CRLF3: variants seen among roughly 807,000 people sequenced by gnomAD.
CRLF3 encodes the protein cytokine receptor-like factor 3.
In CRLF3, 33 loss-of-function variants were observed where a neutral mutation model predicts 55.0. That is an observed-to-expected ratio of 0.60 (90% CI 0.46 to 0.80). The LOEUF is 0.80. Ranked by LOEUF, CRLF3 falls within the 30% of genes least tolerant of loss-of-function variation. The pLI, the probability that CRLF3 is intolerant of heterozygous loss-of-function variation, is 0.00. For synonymous variants in CRLF3, 238 were observed against 196.8 expected (o/e 1.21, Z -1.75); for missense variants, 494 against 538.4 (o/e 0.92, Z 0.82).
Position 30,793,629 on chromosome 17 carries a change from C to G in CRLF3, c.647G>C (p.Arg216Pro). The G allele has an allele frequency of 6.2e-7, 1 of 1,613,978 alleles. No individual in the cohort carries two copies. Among genetic ancestry groups the G allele is most frequent in the Non-Finnish European group, 8.5e-7 (1 of 1,179,940 alleles). The change falls in exon 5 of 8, where the codon CGT (arginine) becomes CCT (proline). Residue 216 changes from arginine to proline, a missense_variant. Arg to Pro is a moderately radical substitution (Grantham distance 103). Coordinates refer to ENST00000324238, the MANE Select transcript of CRLF3 (RefSeq NM_015986.4). ...FTAQDYRLQF[R>P]KCTSNHFEDV... ...CTCAAAATGATTTGAAGTACATTTA[C>G]GAAACTGGAGCCTGTAATCTTGGGC...
At chr17:30,794,719 G>T (rs1461625305) in intron 4 of CRLF3, among the ~76,000 whole-genome samples, 1 of 152,008 alleles carries the variant, frequency 6.6e-6, no homozygotes, top group Non-Finnish European at 1.5e-5. Context: ...GATCACTTGA[G>T]CCCAGGAGAT....
At chr17:30,814,517 C>T (rs922638412) in intron 1 of CRLF3, among the ~76,000 whole-genome samples, 2 of 151,416 alleles carry the variant, frequency 1.3e-5, no homozygotes, top group Non-Finnish European at 2.9e-5. Context: ...ATTAGCCGAG[C>T]GTGGTGGTGG....
At chr17:30,816,814 T>A (rs1234900893) in intron 1 of CRLF3, among the ~76,000 whole-genome samples, 1 of 152,144 alleles carries the variant, frequency 6.6e-6, no homozygotes, top group Non-Finnish European at 1.5e-5. Context: ...AGATGCACAC[T>A]TACAGTTATG....
At chr17:30,804,645 A>G (rs903035598) in intron 1 of CRLF3, among the ~76,000 whole-genome samples, 7 of 152,234 alleles carry the variant, frequency 4.6e-5, no homozygotes, top group African/African-American at 1.7e-4. Context: ...CCATGCTGTC[A>G]CAAATGACAG....
At chr17:30,806,304 A>G (rs1039982087) in intron 1 of CRLF3, among the ~76,000 whole-genome samples, 2 of 152,184 alleles carry the variant, frequency 1.3e-5, no homozygotes, top group African/African-American at 2.4e-5. Context: ...AAATTATTCA[A>G]TTGCAGAAGT....
chr17:30,796,944 G>A (rs1054276739), intron 3 of CRLF3, among the ~76,000 whole-genome samples: 1 of 151,964 alleles, frequency 6.6e-6, no homozygotes, highest in Non-Finnish European at 1.5e-5. Flanking sequence ...TGTTGCCCAG[G>A]CTGGAGTGTA....
chr17:30,797,495 A>G, intron 2 of CRLF3, 97 bp from the exon 3 acceptor site: 2 of 954,770 alleles, frequency 2.1e-6, no homozygotes, highest in Admixed American at 1.9e-5. Context: ...CGTTCTTGCA[A>G]ATAAGTTCTT....
intron 6 of CRLF3, among the ~76,000 whole-genome samples, chr17:30,787,275 A>T (rs1971669918): frequency 6.6e-6 from 1 of 152,234 alleles, no homozygotes; most frequent in South Asian, 2.1e-4. Flanking sequence ...TCTTCCATAT[A>T]AGAATTTGCA....
At chr17:30,793,164 TATA>T (rs1016778151) in intron 5 of CRLF3, among the ~76,000 whole-genome samples, 2 of 151,564 alleles carry the variant, frequency 1.3e-5, no homozygotes, top group African/African-American at 4.8e-5. Context: ...AACATTCAAA[TATA>T]AAAAAAAGAA....
chr17:30,806,320 A>G (rs1027764680), intron 1 of CRLF3, among the ~76,000 whole-genome samples: 3 of 152,316 alleles, frequency 2.0e-5, no homozygotes, highest in Non-Finnish European at 2.9e-5. Context: ...GAAGTTTACA[A>G]ATTCCCTCAG....
intron 2 of CRLF3, among the ~76,000 whole-genome samples, chr17:30,800,265 T>C (rs1250168127): frequency 6.6e-6 from 1 of 152,188 alleles, no homozygotes; most frequent in African/African-American, 2.4e-5. Context: ...ACGGTGTCCC[T>C]TGATGATTGT....
At chr17:30,799,145 C>T (rs914999829) in intron 2 of CRLF3, among the ~76,000 whole-genome samples, 21 of 151,892 alleles carry the variant, frequency 1.4e-4, no homozygotes, top group African/African-American at 2.4e-4. Context: ...TGGTGGCGGG[C>T]GCCTATAATC....
chr17:30,790,510 A>G (rs1235841315), intron 6 of CRLF3: 1 of 151,866 alleles, frequency 6.6e-6, no homozygotes, highest in Non-Finnish European at 1.5e-5. Context: ...AGAGAGTAGC[A>G]TATACATAAT....
intron 1 of CRLF3, among the ~76,000 whole-genome samples, chr17:30,811,092 A>T (rs1904602253): frequency 6.6e-6 from 1 of 152,120 alleles, no homozygotes; most frequent in South Asian, 2.1e-4. Context: ...CTGCCTCAAA[A>T]ATAACCAAAC....
At chr17:30,791,892 G>A (rs1971810259) in intron 6 of CRLF3, among the ~76,000 whole-genome samples, 1 of 151,666 alleles carries the variant, frequency 6.6e-6, no homozygotes, top group Non-Finnish European at 1.5e-5. Flanking sequence ...TGTTGCCCAG[G>A]CTGGAGTGCA....
intron 5 of CRLF3, 169 bp from the exon 6 acceptor site, chr17:30,792,741 T>TA (rs1462182618): frequency 2.1e-6 from 1 of 481,158 alleles, no homozygotes. Flanking sequence ...TCCCACAAAT[T>TA]ACAAAAGATT....
intron 1 of CRLF3, among the ~76,000 whole-genome samples, chr17:30,812,732 A>T (rs536557478): frequency 4.1e-4 from 62 of 152,274 alleles, no homozygotes; most frequent in Admixed American, 3.5e-3. Context: ...ACAGCAATAG[A>T]GTGAAACTGA....
intron 1 of CRLF3, among the ~76,000 whole-genome samples, chr17:30,810,487 G>A (rs1191531792): frequency 2.6e-5 from 4 of 152,072 alleles, no homozygotes; most frequent in Non-Finnish European, 4.4e-5. Flanking sequence ...ACTTGAACCC[G>A]GGAAGCGGAG....
chr17:30,794,730 TGA>T (rs1971881600), intron 4 of CRLF3, among the ~76,000 whole-genome samples: 1 of 152,050 alleles, frequency 6.6e-6, no homozygotes, highest in Non-Finnish European at 1.5e-5. Flanking sequence ...CCCAGGAGAT[TGA>T]GACTGGAGAC....
Sources: gnomAD v4.1 joint callset for allele counts (sites outside exome capture counted in the v4.1 genomes callset) on GRCh38, gnomAD v4.1.1 for gene constraint, MANE v1.5 for transcripts, NCBI Gene and HGNC (gene_info 2026-07-23, HGNC 2026-07-21) for gene names.